Variants in CYTH3 observed in about 807,000 individuals in gnomAD.
CYTH3 encodes the protein cytohesin 3.
CYTH3 carries 23 observed loss-of-function variants against 55.1 expected under a neutral mutation model. The observed-to-expected ratio is 0.42, with a 90% CI of 0.30 to 0.59. The LOEUF (loss-of-function observed/expected upper bound fraction) is 0.59, where lower values mean the gene tolerates loss of function less well. Among genes scored for constraint, CYTH3 ranks in the 20% least tolerant of loss-of-function variants. The probability of loss-of-function intolerance (pLI) is 0.20; values close to 1 mark genes in which losing one functional copy is unlikely to be tolerated. For synonymous variants in CYTH3, 249 were observed against 194.9 expected (o/e 1.28, Z -2.31); for missense variants, 413 against 524.8 (o/e 0.79, Z 2.08).
intron 1 of CYTH3, among the ~76,000 whole-genome samples, chr7:6,199,558 A>G (rs578167831): frequency 1.3e-5 from 2 of 152,268 alleles, no homozygotes; most frequent in Non-Finnish European, 2.9e-5. Flanking sequence ...TCAAAAATAA[A>G]GATGAAACAA....
chr7:6,206,728 T>C (rs933627522), intron 1 of CYTH3, among the ~76,000 whole-genome samples: 6 of 152,146 alleles, frequency 3.9e-5, no homozygotes, highest in African/African-American at 1.4e-4. Context: ...TGCCAAACAC[T>C]AACAGAACCA....
At chr7:6,165,070 C>T in intron 12 of CYTH3, 54 bp from the exon 13 acceptor site, 1 of 1,606,684 alleles carries the variant, frequency 6.2e-7, no homozygotes, top group Non-Finnish European at 8.5e-7. Flanking sequence ...CACAGACCTC[C>T]CCTTTCCCAC....
At chr7:6,193,778 C>G (rs1371515974) in intron 1 of CYTH3, among the ~76,000 whole-genome samples, 2 of 152,190 alleles carry the variant, frequency 1.3e-5, no homozygotes, top group African/African-American at 4.8e-5. Context: ...GAGAACAAAA[C>G]AGAGAGACTA....
chr7:6,218,598 A>T (rs1341590850), intron 1 of CYTH3, among the ~76,000 whole-genome samples: 1 of 152,222 alleles, frequency 6.6e-6, no homozygotes, highest in Non-Finnish European at 1.5e-5. Context: ...ACAAATACCT[A>T]AAAATGTGGA....
At chr7:6,241,648 G>T (rs1457570022) in intron 1 of CYTH3, among the ~76,000 whole-genome samples, 1 of 152,086 alleles carries the variant, frequency 6.6e-6, no homozygotes, top group Non-Finnish European at 1.5e-5. Context: ...CAATCCAAGT[G>T]CCCATCAATA....
At chr7:6,259,758 T>TA (rs1780244075) in intron 1 of CYTH3, among the ~76,000 whole-genome samples, 1 of 27,322 alleles carries the variant, frequency 3.7e-5, no homozygotes, top group African/African-American at 3.2e-4. Flanking sequence ...ATATATATAT[T>TA]ATATATATAT....
intron 1 of CYTH3, among the ~76,000 whole-genome samples, chr7:6,214,181 C>T (rs1036413590): frequency 2.0e-5 from 3 of 152,130 alleles, no homozygotes; most frequent in Non-Finnish European, 4.4e-5. Context: ...GACGGATAAA[C>T]GGCCATGTGA....
At chr7:6,215,321 T>C (rs1008150794) in intron 1 of CYTH3, among the ~76,000 whole-genome samples, 1 of 152,174 alleles carries the variant, frequency 6.6e-6, no homozygotes, top group African/African-American at 2.4e-5. Flanking sequence ...CCAGGTGCGG[T>C]GGCTCACGCC....
chr7:6,209,966 A>G (rs1309542695), intron 1 of CYTH3, among the ~76,000 whole-genome samples: 1 of 152,184 alleles, frequency 6.6e-6, no homozygotes, highest in Non-Finnish European at 1.5e-5. Context: ...GGACACGGAC[A>G]GGGATGAATA....
chr7:6,171,039 G>GTGCTGGGGGCCCGCC lies in CYTH3; in HGVS notation c.563-76_563-62dup. Reference sequence around the variant, plus strand: ...CCTCCAGTGGACAGTGGGACCCCGCGTGCTGGGGGCCCGCCTGCAAGAGGT... The same window carrying GTGCTGGGGGCCCGCC: ...CCTCCAGTGGACAGTGGGACCCCGCGTGCTGGGGGCCCGCCTGCTGGGGGCCCGCCTGCAAGAGGT... On this transcript the variant is annotated intron_variant, in intron 7 of 12. Transcript: ENST00000350796. The surrounding 1 kb of genome is among the most constrained non-coding windows in gnomAD (Gnocchi z 6.7). 1.2e-6 allele frequency: 2 copies of GTGCTGGGGGCCCGCC among 1,601,520 alleles called. No homozygotes were observed. Among genetic ancestry groups the GTGCTGGGGGCCCGCC allele is most frequent in the South Asian group, 2.2e-5 (2 of 90,236 alleles).
At chr7:6,261,380 G>T (rs1362296500) in intron 1 of CYTH3, among the ~76,000 whole-genome samples, 1 of 152,096 alleles carries the variant, frequency 6.6e-6, no homozygotes, top group Admixed American at 6.6e-5. Context: ...CTATAACCTA[G>T]AAGAAGGGTA....
intron 4 of CYTH3, among the ~76,000 whole-genome samples, chr7:6,186,429 T>G (rs2128542996): frequency 6.6e-6 from 1 of 152,226 alleles, no homozygotes; most frequent in East Asian, 1.9e-4. Flanking sequence ...GCCAAATCCC[T>G]TAGCTCGGTC....
At chr7:6,234,550 T>A (rs1779469157) in intron 1 of CYTH3, among the ~76,000 whole-genome samples, 1 of 152,148 alleles carries the variant, frequency 6.6e-6, no homozygotes, top group Non-Finnish European at 1.5e-5. Context: ...TGACTCAGGC[T>A]CAACACCAAG....
At chr7:6,231,059 T>G (rs1382553599) in intron 1 of CYTH3, among the ~76,000 whole-genome samples, 1 of 152,144 alleles carries the variant, frequency 6.6e-6, no homozygotes, top group East Asian at 1.9e-4. Context: ...ACCCAGGCCT[T>G]TCCCCTCTCA....
chr7:6,212,302 T>C (rs1478275347), intron 1 of CYTH3, among the ~76,000 whole-genome samples: 1 of 152,224 alleles, frequency 6.6e-6, no homozygotes, highest in Admixed American at 6.5e-5. Flanking sequence ...ATCCATTTTT[T>C]CTTACGTGTC....
chr7:6,200,844 G>A (rs554876581), intron 1 of CYTH3, among the ~76,000 whole-genome samples: 2 of 152,240 alleles, frequency 1.3e-5, no homozygotes, highest in South Asian at 2.1e-4. Context: ...CAGCCTCAGC[G>A]TCCCAAACTC....
intron 4 of CYTH3, among the ~76,000 whole-genome samples, chr7:6,185,453 T>G (rs1023340297): frequency 6.6e-6 from 1 of 152,060 alleles, no homozygotes; most frequent in African/African-American, 2.4e-5. Flanking sequence ...TCCCAGCACT[T>G]TGGGAGGCCA....
chr7:6,170,792 T>C lies in CYTH3; in HGVS notation c.711+38A>G. On this transcript the variant is annotated intron_variant, in intron 8 of 12. Coordinates refer to ENST00000350796, the MANE Select transcript of CYTH3 (RefSeq NM_004227.4). This position sits in a 1 kb window ranked among gnomAD's most constrained non-coding sequence, Gnocchi z 7.8. ...GCTGCGGCCGCTCACAGCGAAGAGA[T>C]CCTGCAGACGGCAGCGGCCGCGGGC... is the stretch of plus-strand genomic sequence containing the variant. The C allele has an allele frequency of 6.3e-7, 1 of 1,594,814 alleles. No homozygotes were observed. Among genetic ancestry groups the C allele is most frequent in the Non-Finnish European group, 8.5e-7 (1 of 1,170,536 alleles).
chr7:6,239,431 G>A (rs1422332688), intron 1 of CYTH3, among the ~76,000 whole-genome samples: 1 of 152,136 alleles, frequency 6.6e-6, no homozygotes, highest in Non-Finnish European at 1.5e-5. Flanking sequence ...CAAAGTTGAT[G>A]TCTAGCCCTA....
Sources: allele counts gnomAD v4.1 joint callset (sites outside exome capture counted in the v4.1 genomes callset), GRCh38; gene constraint gnomAD v4.1.1; non-coding constraint Gnocchi (gnomAD v3.1); transcripts MANE v1.5; gene names NCBI Gene and HGNC (gene_info 2026-07-23, HGNC 2026-07-21).